Variants in CRACDL observed in about 807,000 individuals in gnomAD.
CRACDL encodes CRACD-like protein.
In CRACDL, 26 loss-of-function variants were observed where a neutral mutation model predicts 70.6. The ratio of observed to expected loss-of-function variants is 0.37; its 90% CI spans 0.27 to 0.51. The LOEUF (loss-of-function observed/expected upper bound fraction) is 0.51, where lower values mean the gene tolerates loss of function less well. Ranked by LOEUF, CRACDL falls within the 20% of genes least tolerant of loss-of-function variation. CRACDL has a pLI of 0.94. For missense variants in CRACDL, 1,283 were observed against 1,376.9 expected, an observed-to-expected ratio of 0.93 and a Z score of 1.08; for synonymous variants, 618 against 615.2, an observed-to-expected ratio of 1.00 and a Z score of -0.07.
intron 9 of CRACDL, 67 bp from the exon 10 acceptor site, chr2:98,794,738 T>C (rs923556983): frequency 3.5e-6 from 5 of 1,438,662 alleles, no homozygotes; most frequent in South Asian, 1.2e-5. Flanking sequence ...CTTAAGCCTC[T>C]TGTGTTTCTC....
rs1261878147 is a variant in CRACDL at position 98,822,724 on chromosome 2, C to A, written c.1549G>T (p.Ala517Ser). The change falls in exon 7 of 10, where the codon GCT becomes TCT. Residue 517 changes from alanine to serine, a missense_variant. Physicochemically the swap from Ala to Ser is moderately conservative, Grantham distance 99. This residue lies in a region of CRACDL where 921 missense variants were observed against 881.9 expected (regional missense o/e 1.04). Coordinates refer to ENST00000397899, the MANE Select transcript of CRACDL (RefSeq NM_207362.3). This position sits in a 1 kb window ranked among gnomAD's most constrained non-coding sequence, Gnocchi z 4.9. The stretch of plus-strand genomic sequence containing the variant: ...GGCTCCACCGGGGGAGACTCCGCAG[C>A]GGCAAGCGGCGGGGACGCGGCGGGG... Reference protein sequence around the residue: ...EGPAASPPLAAAESPPVEPGP... With the variant: ...EGPAASPPLASAESPPVEPGP... 8 of 1,259,276 alleles carry A rather than the reference C, an allele frequency of 6.4e-6. No individual in the cohort carries two copies. The highest frequency in any genetic ancestry group is 8.0e-6 in the Non-Finnish European group (8 of 1,006,028). 78.0% of individuals were successfully genotyped at this position (1,259,276 alleles called of 1,614,324 possible).
In CRACDL at chr2:98,846,741, CT is replaced by C; in HGVS notation, c.59del (p.Glu20GlyfsTer107). ...KLREAAEGLGEDSTGKKKSKF... is the reference protein window; with the variant it reads ...KLREAAEGLGXDSTGKKKSKF... ...GAAGCAGGGCCTTACCTGTGCTGTC[CT>C]CCCCAAGGCCTTCTGCAGCCTCCCG... On this transcript the variant is annotated frameshift_variant, in exon 2 of 10. Coordinates refer to ENST00000397899, the MANE Select transcript of CRACDL (RefSeq NM_207362.3). LOFTEE classifies it high-confidence loss of function. 1 of 1,614,028 alleles carries C rather than the reference CT, an allele frequency of 6.2e-7. No individual in the cohort carries two copies. The highest frequency in any genetic ancestry group is 8.5e-7 in the Non-Finnish European group (1 of 1,179,834).
At chr2:98,878,862 A>T (rs1707561106) in intron 1 of CRACDL, among the ~76,000 whole-genome samples, 1 of 152,208 alleles carries the variant, frequency 6.6e-6, no homozygotes, top group Non-Finnish European at 1.5e-5. Context: ...GAAAAATCCT[A>T]AATTGAACCA....
intron 1 of CRACDL, among the ~76,000 whole-genome samples, chr2:98,925,627 C>A (rs148697243): frequency 3.1e-3 from 479 of 152,232 alleles, no homozygotes; most frequent in African/African-American, 9.8e-3. Flanking sequence ...GAGTGCGCCT[C>A]GTGAGGGAAG....
At chr2:98,803,130 G>C (rs2104412697) in intron 7 of CRACDL, among the ~76,000 whole-genome samples, 1 of 151,940 alleles carries the variant, frequency 6.6e-6, no homozygotes, top group East Asian at 1.9e-4. Flanking sequence ...CTCCCGAGTA[G>C]CTGGGACTAC....
At chr2:98,848,974 C>T (rs942084545) in intron 1 of CRACDL, among the ~76,000 whole-genome samples, 1 of 152,224 alleles carries the variant, frequency 6.6e-6, no homozygotes, top group African/African-American at 2.4e-5. Flanking sequence ...TGACTGCATA[C>T]CCAGCATGGG....
intron 6 of CRACDL, among the ~76,000 whole-genome samples, chr2:98,825,913 C>T (rs1705282101): frequency 6.6e-6 from 1 of 152,216 alleles, no homozygotes; most frequent in African/African-American, 2.4e-5. Flanking sequence ...GTGGCCCTAG[C>T]CCAACTGTCT....
At chr2:98,910,408 C>A (rs899830994) in intron 1 of CRACDL, among the ~76,000 whole-genome samples, 1 of 151,966 alleles carries the variant, frequency 6.6e-6, no homozygotes, top group African/African-American at 2.4e-5. Flanking sequence ...GTAATCCCAG[C>A]TACTTGGGAG....
chr2:98,885,317 T>A (rs893173444), intron 1 of CRACDL, among the ~76,000 whole-genome samples: 15 of 152,146 alleles, frequency 9.9e-5, no homozygotes, highest in African/African-American at 3.6e-4. Flanking sequence ...TTTAAAGGTC[T>A]CTCTTTTAAC....
intron 1 of CRACDL, among the ~76,000 whole-genome samples, chr2:98,907,980 G>T (rs561599157): frequency 2.7e-4 from 41 of 152,314 alleles, no homozygotes; most frequent in African/African-American, 9.1e-4. Context: ...TGCAAATTTT[G>T]CAAGGCATCA....
At chr2:98,928,590 C>T (rs920892815) in intron 1 of CRACDL, among the ~76,000 whole-genome samples, 3 of 152,142 alleles carry the variant, frequency 2.0e-5, no homozygotes, top group Admixed American at 6.5e-5. Context: ...TCCAGCTACT[C>T]GAGAGGCTGA....
At chr2:98,919,891 T>G (rs532135844) in intron 1 of CRACDL, among the ~76,000 whole-genome samples, 1 of 152,324 alleles carries the variant, frequency 6.6e-6, no homozygotes, top group East Asian at 1.9e-4. Flanking sequence ...TAGTTGGGAC[T>G]GCAGGTATGC....
rs768371377 is a variant in CRACDL, at chr2:98,822,308, C to T, written c.1965G>A (p.Gln655=). ...TCGTGCCGGGCGCGGCGGCCGCCTC[C>T]TGAGGGCTCTTGCGCGGCCCGGCCG... ...ASPAGPRKSP[Q]EAAAAPGTRE... is the part of the protein sequence containing the mutation. Residue 655 remains glutamine (Q), a synonymous_variant, in exon 7 of 10, where the codon CAG becomes CAA. Coordinates refer to ENST00000397899, the MANE Select transcript of CRACDL (RefSeq NM_207362.3). This position sits in a 1 kb window ranked among gnomAD's most constrained non-coding sequence, Gnocchi z 4.9. The T allele has an allele frequency of 6.6e-7, 1 of 1,508,266 alleles. No homozygotes were observed. The highest frequency in any genetic ancestry group is 8.8e-7 in the Non-Finnish European group (1 of 1,138,806). 93.4% of individuals were successfully genotyped at this position (1,508,266 alleles called of 1,614,324 possible).
rs373997379 is a variant in CRACDL, at chr2:98,797,451, T to C, written c.2503A>G (p.Arg835Gly). 11 of 1,614,106 alleles carry C rather than the reference T, an allele frequency of 6.8e-6. No individual in the cohort carries two copies. The highest frequency in any genetic ancestry group is 1.1e-5 in the South Asian group (1 of 91,094). The change falls in exon 8 of 10, where the codon AGG (arginine) becomes GGG (glycine). Residue 835 changes from arginine (R) to glycine (G), a missense_variant. Arg to Gly is a moderately radical substitution (Grantham distance 125). Around this residue, in one of 2 missense-constraint regions of CRACDL, gnomAD observed 921 missense variants for 881.9 expected, o/e 1.04. Coordinates refer to ENST00000397899, the MANE Select transcript of CRACDL (RefSeq NM_207362.3). Reference sequence around the variant, plus strand: ...TTGGGTGGCTGGTCCAAGGTCCCCCTCCGCTTCTGCCGAGTGACGGTGATC... The same window carrying C: ...TTGGGTGGCTGGTCCAAGGTCCCCCCCCGCTTCTGCCGAGTGACGGTGATC... ...PWITVTRQKRRGTLDQPPNQE... is the reference protein window; with the variant it reads ...PWITVTRQKRGGTLDQPPNQE...
chr2:98,826,008 G>A (rs745582228), intron 6 of CRACDL, among the ~76,000 whole-genome samples: 2 of 152,190 alleles, frequency 1.3e-5, no homozygotes, highest in Non-Finnish European at 1.5e-5. Flanking sequence ...ACATTAGCCT[G>A]TGAGCATCTC....
At chr2:98,912,273 C>A (rs371827532) in intron 1 of CRACDL, among the ~76,000 whole-genome samples, 2 of 152,228 alleles carry the variant, frequency 1.3e-5, no homozygotes, top group African/African-American at 4.8e-5. Context: ...TGAAAGAACA[C>A]CAGTCAGGAG....
At chr2:98,870,025 T>A (rs551128394) in intron 1 of CRACDL, among the ~76,000 whole-genome samples, 1 of 152,144 alleles carries the variant, frequency 6.6e-6, no homozygotes, top group Non-Finnish European at 1.5e-5. Context: ...CCACCCCACG[T>A]GACACAGCCA....
chr2:98,873,179 G>A (rs577413742), intron 1 of CRACDL, among the ~76,000 whole-genome samples: 2 of 152,160 alleles, frequency 1.3e-5, no homozygotes, highest in African/African-American at 2.4e-5. Flanking sequence ...AGGAACCCTC[G>A]ATGTCAGGAC....
intron 2 of CRACDL, among the ~76,000 whole-genome samples, chr2:98,839,027 G>A (rs1244333760): frequency 3.3e-5 from 5 of 152,150 alleles, no homozygotes; most frequent in Admixed American, 2.0e-4. Context: ...TTCCTTTCCC[G>A]GAATAGTTAC....
Sources: gnomAD v4.1 joint callset for allele counts (sites outside exome capture counted in the v4.1 genomes callset) on GRCh38, gnomAD v4.1.1 for gene constraint, gnomAD v4.1.1 regional missense constraint, Gnocchi (gnomAD v3.1) non-coding constraint, MANE v1.5 for transcripts, NCBI Gene and HGNC (gene_info 2026-07-23, HGNC 2026-07-21) for gene names.